MYO1E: variants seen among roughly 807,000 people sequenced by gnomAD.
The protein encoded by MYO1E is myosin IE.
A neutral mutation model predicts 151.1 loss-of-function variants in MYO1E; 68 were observed. That is an observed-to-expected ratio of 0.45 (90% confidence interval 0.37 to 0.55). MYO1E has a LOEUF of 0.55. Among genes scored for constraint, MYO1E ranks in the 20% least tolerant of loss-of-function variants. The pLI, the probability that MYO1E is intolerant of heterozygous loss-of-function variation, is 0.00. For synonymous variants in MYO1E, 601 were observed against 501.7 expected (o/e 1.20, Z -2.64); for missense variants, 1,363 against 1,389.3 (o/e 0.98, Z 0.30).
chr15:59,180,675 A>T (rs2079653029), intron 18 of MYO1E, among the ~76,000 whole-genome samples: 1 of 151,874 alleles, frequency 6.6e-6, no homozygotes, highest in African/African-American at 2.4e-5. Flanking sequence ...ATGAAGCCTG[A>T]TACATCCTCA....
intron 1 of MYO1E, among the ~76,000 whole-genome samples, chr15:59,328,695 C>G (rs1438531580): frequency 6.6e-6 from 1 of 152,072 alleles, no homozygotes; most frequent in African/African-American, 2.4e-5. Context: ...TGGAGGGGAC[C>G]TCATCAGCCC....
chr15:59,365,743 C>T (rs1033674144), intron 1 of MYO1E, among the ~76,000 whole-genome samples: 6 of 152,062 alleles, frequency 3.9e-5, no homozygotes, highest in African/African-American at 1.4e-4. Context: ...CTCAAAAGAC[C>T]CAAGAGAGTG....
intron 5 of MYO1E, among the ~76,000 whole-genome samples, chr15:59,235,609 T>C (rs1331041679): frequency 6.6e-6 from 1 of 152,254 alleles, no homozygotes; most frequent in Non-Finnish European, 1.5e-5. Flanking sequence ...TTCCAGTCTT[T>C]TGCATTACCA....
intron 12 of MYO1E, chr15:59,212,876 C>T (rs2079888401): frequency 6.6e-6 from 1 of 152,154 alleles, no homozygotes; most frequent in African/African-American, 2.4e-5. Flanking sequence ...CAGGCAGAGA[C>T]TGGAGTCAAA....
chr15:59,166,482 C>T (rs2079563306), intron 22 of MYO1E, among the ~76,000 whole-genome samples: 1 of 151,868 alleles, frequency 6.6e-6, no homozygotes, highest in Non-Finnish European at 1.5e-5. Flanking sequence ...CTGTTTTACT[C>T]TCTTCACCAA....
chr15:59,346,371 G>A (rs1318277578), intron 1 of MYO1E, among the ~76,000 whole-genome samples: 3 of 152,114 alleles, frequency 2.0e-5, no homozygotes, highest in African/African-American at 7.2e-5. Flanking sequence ...TAATGAAGAA[G>A]AGTGCACTGG....
intron 1 of MYO1E, among the ~76,000 whole-genome samples, chr15:59,296,878 C>T (rs1166223902): frequency 2.2e-5 from 3 of 138,632 alleles, no homozygotes; most frequent in Non-Finnish European, 4.6e-5. Flanking sequence ...CTCGCTCTGT[C>T]GCCCAGGCTG....
chr15:59,356,683 TCCTCCCACATAAG>T (rs75812189), intron 1 of MYO1E, among the ~76,000 whole-genome samples: 2,912 of 152,130 alleles, frequency 0.019, 50 homozygotes, highest in Non-Finnish European at 0.026. Flanking sequence ...GCTCCAGCAA[TCCTCCCACATAAG>T]CCTCCCAAGT....
At chr15:59,166,043 T>C (rs2079561286) in intron 22 of MYO1E, among the ~76,000 whole-genome samples, 1 of 152,226 alleles carries the variant, frequency 6.6e-6, no homozygotes, top group Admixed American at 6.5e-5. Flanking sequence ...TTCATTACTA[T>C]TATAACGAAA....
chr15:59,351,297 A>G (rs550292569), intron 1 of MYO1E, among the ~76,000 whole-genome samples: 1 of 152,318 alleles, frequency 6.6e-6, no homozygotes, highest in South Asian at 2.1e-4. Flanking sequence ...TAGGCAGACT[A>G]TAAAACATAA....
intron 22 of MYO1E, among the ~76,000 whole-genome samples, 168 bp from the exon 23 acceptor site, chr15:59,163,471 T>C (rs1272505942): frequency 6.6e-6 from 1 of 152,156 alleles, no homozygotes. Context: ...ATGAATTACA[T>C]AATGAAATTG....
chr15:59,275,736 G>C (rs1224091292), intron 1 of MYO1E, among the ~76,000 whole-genome samples: 3 of 152,190 alleles, frequency 2.0e-5, no homozygotes, highest in African/African-American at 4.8e-5. Context: ...CAAGGACAAG[G>C]TGGATCAATG....
intron 1 of MYO1E, among the ~76,000 whole-genome samples, chr15:59,303,600 A>G (rs1338555791): frequency 2.0e-5 from 3 of 152,246 alleles, no homozygotes; most frequent in Admixed American, 6.5e-5. Context: ...AAAATGCAAA[A>G]GCAAGAGGCA....
At chr15:59,141,905 A>C (rs1425553217) in intron 26 of MYO1E, among the ~76,000 whole-genome samples, 1 of 151,764 alleles carries the variant, frequency 6.6e-6, no homozygotes, top group African/African-American at 2.4e-5. Flanking sequence ...CAGGAGATAG[A>C]GACCATCCTG....
In MYO1E at chr15:59,223,102, G is replaced by A. The variant is rs1454277152; in HGVS notation, c.867C>T (p.Ser289=). 6.2e-7 allele frequency: 1 copy of A among 1,614,088 alleles called. No homozygotes were observed. The highest frequency in any genetic ancestry group is 1.7e-5 in the Admixed American group (1 of 60,022). The stretch of plus-strand genomic sequence containing the variant: ...CCGCGTAGTTGCCAACTTCTTTGAA[G>A]CTGATGTTTCCCAGGTGGAGAATAC... ...VAGILHLGNI[S]FKEVGNYAAV... is the part of the protein sequence containing the mutation. Residue 289 remains serine, a synonymous_variant, in exon 9 of 28, where the codon AGC becomes AGT. Transcript: ENST00000288235.
intron 4 of MYO1E, among the ~76,000 whole-genome samples, chr15:59,243,004 T>A (rs369745738): frequency 1.3e-5 from 2 of 151,188 alleles, no homozygotes; most frequent in East Asian, 3.9e-4. Flanking sequence ...TGTGGCTTCA[T>A]GGGGGCCAAC....
chr15:59,268,014 C>A (rs1213005968), intron 2 of MYO1E, among the ~76,000 whole-genome samples: 8 of 152,044 alleles, frequency 5.3e-5, no homozygotes, highest in African/African-American at 1.9e-4. Context: ...CAACACAAGA[C>A]AATGTGCAGG....
chr15:59,202,050 G>A (rs889594161), intron 16 of MYO1E, among the ~76,000 whole-genome samples: 1 of 152,192 alleles, frequency 6.6e-6, no homozygotes, highest in East Asian at 1.9e-4. Context: ...TCCAGGTTCT[G>A]TTTAAAGCCA....
chr15:59,365,163 G>A (rs1310911957), intron 1 of MYO1E, among the ~76,000 whole-genome samples: 7 of 151,646 alleles, frequency 4.6e-5, no homozygotes, highest in African/African-American at 1.5e-4. Context: ...GAGATTACAG[G>A]TGCCTGCCAC....
Sources: gnomAD v4.1 joint callset for allele counts (sites outside exome capture counted in the v4.1 genomes callset) on GRCh38, gnomAD v4.1.1 for gene constraint, MANE v1.5 for transcripts, NCBI Gene and HGNC (gene_info 2026-07-23, HGNC 2026-07-21) for gene names.